LNPK: variants seen among roughly 807,000 people sequenced by gnomAD.
The protein encoded by LNPK is lunapark, ER junction formation factor.
LNPK carries 29 observed loss-of-function variants against 55.2 expected under a neutral mutation model. The observed-to-expected ratio is 0.53, with a 90% CI of 0.39 to 0.72. The LOEUF (loss-of-function observed/expected upper bound fraction) is 0.72, where lower values mean the gene tolerates loss of function less well. Ranked by LOEUF, LNPK falls within the 30% of genes least tolerant of loss-of-function variation. The pLI, the probability that LNPK is intolerant of heterozygous loss-of-function variation, is 0.00. For synonymous variants in LNPK, 162 were observed against 168.2 expected (o/e 0.96, Z 0.29); for missense variants, 467 against 494.8 (o/e 0.94, Z 0.53).
In LNPK at chr2:175,926,742, C is replaced by T. The variant is rs1295389056; in HGVS notation, c.*3225G>A. ...TGTGAACAGAGAAATGAGAATATAACTAGAAGATGTTTAGGAGACAAAAAT... is the reference window on the plus strand; with the variant it reads ...TGTGAACAGAGAAATGAGAATATAATTAGAAGATGTTTAGGAGACAAAAAT... On this transcript the variant is annotated 3_prime_UTR_variant, in exon 13 of 13. Transcript: ENST00000272748. 2 of 152,094 alleles carry T rather than the reference C, an allele frequency of 1.3e-5. No homozygotes were observed. The highest frequency in any genetic ancestry group is 2.9e-5 in the Non-Finnish European group (2 of 68,032). The allele number at this position is 152,094 out of a possible 1,614,324, so 9.4% of individuals were successfully genotyped here. A position where few individuals can be genotyped will look rare whatever the true frequency, so the allele number is the denominator to read the frequency against.
intron 8 of LNPK, among the ~76,000 whole-genome samples, chr2:175,962,226 A>C (rs1273865216): frequency 6.6e-6 from 1 of 152,238 alleles, no homozygotes; most frequent in Non-Finnish European, 1.5e-5. Flanking sequence ...ATGGAACCAA[A>C]AAAGAGCCTG....
chr2:175,937,381 T>G lies in LNPK; in HGVS notation c.1017A>C (p.Ser339=), dbSNP rs752982922. The G allele has an allele frequency of 1.2e-6, 2 of 1,613,760 alleles. No homozygotes were observed. The highest frequency in any genetic ancestry group is 1.1e-5 in the South Asian group (1 of 91,044). The change falls in exon 12 of 13, where the codon TCA becomes TCC. Residue 339 remains serine (S), a synonymous_variant. Transcript: ENST00000272748. ...GGTTGTCTGATGAAAGCACACTTCC[T>G]GATGGCAAGGGACCAACTGAACTTG... is the stretch of plus-strand genomic sequence containing the variant. ...EGSSSVGPLP[S]GSVLSSDNQF... is the part of the protein sequence containing the mutation.
chr2:175,973,411 C>T (rs1462092458), intron 5 of LNPK, among the ~76,000 whole-genome samples: 1 of 152,090 alleles, frequency 6.6e-6, no homozygotes, highest in Non-Finnish European at 1.5e-5. Flanking sequence ...TCCCTTTGGC[C>T]CTACAAAATG....
At chr2:175,991,286 G>A (rs1312968154) in intron 4 of LNPK, among the ~76,000 whole-genome samples, 1 of 151,966 alleles carries the variant, frequency 6.6e-6, no homozygotes, top group Non-Finnish European at 1.5e-5. Context: ...CAAGGAAAAG[G>A]GGCTCACAAT....
chr2:175,988,936 G>A (rs1019149053), intron 4 of LNPK, among the ~76,000 whole-genome samples: 1 of 151,924 alleles, frequency 6.6e-6, no homozygotes, highest in Non-Finnish European at 1.5e-5. Flanking sequence ...ACCGTGCTGG[G>A]CTAATTTTTT....
intron 8 of LNPK, among the ~76,000 whole-genome samples, chr2:175,956,905 G>A (rs568982845): frequency 3.6e-4 from 55 of 152,090 alleles, no homozygotes; most frequent in African/African-American, 1.2e-3. Context: ...GCACCTACAC[G>A]GGTGACTGTA....
intron 5 of LNPK, among the ~76,000 whole-genome samples, chr2:175,976,968 T>C (rs1011400021): frequency 1.3e-5 from 2 of 152,116 alleles, no homozygotes; most frequent in African/African-American, 4.8e-5. Context: ...TAACTATTAG[T>C]CATATAGGGT....
At chr2:175,957,296 T>A (rs909989827) in intron 8 of LNPK, among the ~76,000 whole-genome samples, 13 of 151,896 alleles carry the variant, frequency 8.6e-5, no homozygotes, top group African/African-American at 3.1e-4. Flanking sequence ...AGGCAGAGGT[T>A]GCAGCAAGCC....
At chr2:175,930,236 G>C in intron 12 of LNPK, 37 bp from the exon 13 acceptor site, 1 of 1,574,016 alleles carries the variant, frequency 6.4e-7, no homozygotes, top group Non-Finnish European at 8.7e-7. Flanking sequence ...AGGAATACCT[G>C]AACGTTAAAA....
chr2:175,937,552 C>G, intron 11 of LNPK, 38 bp from the exon 12 acceptor site: 1 of 1,518,262 alleles, frequency 6.6e-7, no homozygotes, highest in Admixed American at 1.8e-5. Flanking sequence ...AAACCACAAA[C>G]CAAGCAAAGT....
intron 10 of LNPK, 129 bp from the exon 11 acceptor site, chr2:175,938,512 A>G: frequency 2.1e-6 from 1 of 465,994 alleles, no homozygotes; most frequent in Non-Finnish European, 3.9e-6. Flanking sequence ...ATTATATGAG[A>G]CTTAGTAAAC....
At chr2:175,968,016 T>C (rs1364892529) in intron 6 of LNPK, among the ~76,000 whole-genome samples, 1 of 152,224 alleles carries the variant, frequency 6.6e-6, no homozygotes, top group Non-Finnish European at 1.5e-5. Flanking sequence ...ATATAAATTA[T>C]AGTAGGTATA....
At chr2:175,944,103 A>G (rs1685000159) in intron 9 of LNPK, among the ~76,000 whole-genome samples, 1 of 152,164 alleles carries the variant, frequency 6.6e-6, no homozygotes, top group Non-Finnish European at 1.5e-5. Context: ...AGAGCAATAT[A>G]CAAAAATCAA....
intron 4 of LNPK, among the ~76,000 whole-genome samples, chr2:175,990,074 G>C (rs1292825683): frequency 2.6e-5 from 4 of 152,088 alleles, no homozygotes; most frequent in Non-Finnish European, 4.4e-5. Flanking sequence ...TGCCCCTTTT[G>C]CCTCTAAGTC....
chr2:175,949,065 CTAAG>C (rs1380706450), intron 8 of LNPK, among the ~76,000 whole-genome samples: 3 of 152,110 alleles, frequency 2.0e-5, no homozygotes, highest in Non-Finnish European at 2.9e-5. Context: ...TTGTACACAA[CTAAG>C]TATTTTCAAA....
At chr2:175,959,785 A>G (rs1010407020) in intron 8 of LNPK, among the ~76,000 whole-genome samples, 1 of 152,124 alleles carries the variant, frequency 6.6e-6, no homozygotes, top group Non-Finnish European at 1.5e-5. Flanking sequence ...TAGAGTCAAG[A>G]CCCATCAGTG....
chr2:175,935,842 T>A, intron 12 of LNPK: 1 of 327,418 alleles, frequency 3.1e-6, no homozygotes, highest in Non-Finnish European at 4.4e-6. Flanking sequence ...GCTAACTATC[T>A]ATCTTGACCT....
chr2:175,979,217 G>A (rs187389956), intron 5 of LNPK, among the ~76,000 whole-genome samples: 4 of 152,152 alleles, frequency 2.6e-5, no homozygotes, highest in Admixed American at 2.0e-4. Context: ...AACAAACCAA[G>A]TTTTCCATAA....
chr2:175,982,208 C>T (rs1259477784), intron 4 of LNPK, among the ~76,000 whole-genome samples: 4 of 151,804 alleles, frequency 2.6e-5, no homozygotes, highest in Admixed American at 6.6e-5. Context: ...GGAAGGAGGA[C>T]TTTTAAAAAG....
Sources: allele counts gnomAD v4.1 joint callset (sites outside exome capture counted in the v4.1 genomes callset), GRCh38; gene constraint gnomAD v4.1.1; transcripts MANE v1.5; gene names NCBI Gene and HGNC (gene_info 2026-07-23, HGNC 2026-07-21).